DLG5: variants seen among roughly 807,000 people sequenced by gnomAD.
DLG5 encodes the protein disks large homolog 5.
Under a neutral mutation model 189.8 loss-of-function variants are expected in DLG5, and 48 were observed. That is an observed-to-expected ratio of 0.25 (90% CI 0.20 to 0.32). The LOEUF is 0.32. DLG5 is among the 10% of genes least tolerant of loss of function. DLG5 has a pLI of 1.00. For missense variants in DLG5, 2,160 were observed against 2,544.7 expected (o/e 0.85, Z 3.25); for synonymous variants, 1,016 against 1,054.1 (o/e 0.96, Z 0.70).
At chr10:77,877,973 A>G (rs1315995170) in intron 1 of DLG5, among the ~76,000 whole-genome samples, 9 of 152,204 alleles carry the variant, frequency 5.9e-5, no homozygotes, top group Admixed American at 5.9e-4. Context: ...CCAGCCGGAC[A>G]TCCCCCGGGG....
At chr10:77,859,310 C>T (rs975611321) in intron 2 of DLG5, among the ~76,000 whole-genome samples, 3 of 152,144 alleles carry the variant, frequency 2.0e-5, no homozygotes, top group African/African-American at 7.2e-5. Context: ...TTCTGTAAGT[C>T]GAATATAGCC....
intron 1 of DLG5, among the ~76,000 whole-genome samples, chr10:77,884,442 G>C (rs1049041807): frequency 3.9e-5 from 6 of 152,146 alleles, no homozygotes; most frequent in African/African-American, 1.4e-4. Flanking sequence ...ACCCCACAGT[G>C]GATCAGCAAC....
At chr10:77,799,047 G>A (rs1328810339) in intron 27 of DLG5, among the ~76,000 whole-genome samples, 2 of 152,116 alleles carry the variant, frequency 1.3e-5, no homozygotes, top group African/African-American at 4.8e-5. Flanking sequence ...ACACTATGGG[G>A]TACCAATTTA....
At chr10:77,923,417 A>G (rs558378239) in intron 1 of DLG5, among the ~76,000 whole-genome samples, 19 of 152,222 alleles carry the variant, frequency 1.2e-4, no homozygotes, top group Non-Finnish European at 1.8e-4. Flanking sequence ...AAAGAAAAAA[A>G]AGCAAAAAAG....
chr10:77,894,479 T>C (rs1845700093), intron 1 of DLG5, among the ~76,000 whole-genome samples: 1 of 152,168 alleles, frequency 6.6e-6, no homozygotes, highest in Non-Finnish European at 1.5e-5. Flanking sequence ...GCTTTTCTTT[T>C]TCTTCTTCAT....
At chr10:77,846,629 G>A (rs999309937) in intron 5 of DLG5, 8 of 447,690 alleles carry the variant, frequency 1.8e-5, no homozygotes, top group Non-Finnish European at 3.6e-5. Flanking sequence ...CCCAGGAGGC[G>A]TAGGTTGCAG....
At chr10:77,938,590 A>G in the DLG5 span, among the ~76,000 whole-genome samples, 4 of 152,274 alleles carry the variant, frequency 2.6e-5, no homozygotes, top group Middle Eastern at 6.8e-3. Flanking sequence ...GTCTGAGAGG[A>G]CCAGTATCTC....
chr10:77,794,808 G>A, intron 30 of DLG5, 41 bp downstream of exon 30: 1 of 1,569,226 alleles, frequency 6.4e-7, no homozygotes, highest in South Asian at 1.1e-5. Context: ...AGCCCCACCT[G>A]TGACAAGGCC....
At chr10:77,923,868 T>C (rs569587563) in intron 1 of DLG5, among the ~76,000 whole-genome samples, 2 of 131,446 alleles carry the variant, frequency 1.5e-5, no homozygotes, top group South Asian at 4.7e-4. Context: ...CTAACTTTTT[T>C]CTTTCTTTTT....
Position 77,863,926 on chromosome 10 carries a change from G to A in DLG5, c.373+5203C>T, listed in dbSNP as rs527823899. On this transcript the variant is annotated intron_variant, in intron 2 of 31. Coordinates refer to ENST00000372391, the MANE Select transcript of DLG5 (RefSeq NM_004747.4). ...CACAGCCCTGCCTTACGAGGAAGCT[G>A]GAAGAGGAGAGAAGGAAGCAGGACA... 9.3e-4 allele frequency among the ~76,000 whole-genome samples: 141 copies of A among 152,210 alleles called. 2 individuals are homozygous for A. The highest frequency in any genetic ancestry group is 8.2e-4 in the Non-Finnish European group (56 of 68,034).
Position 77,926,587 on chromosome 10 carries a change from A to G in DLG5, c.-67T>C, listed in dbSNP as rs1846703574. ...GGCCCCCCGAGGCCGGCGGGCGGGC[A>G]GGCGAGCACCTCGGCAGCAGCCCTA... On this transcript the variant is annotated 5_prime_UTR_variant, in exon 1 of 32. Coordinates refer to ENST00000372391, the MANE Select transcript of DLG5 (RefSeq NM_004747.4). This position sits in a 1 kb window ranked among gnomAD's most constrained non-coding sequence, Gnocchi z 5.2. The G allele has an allele frequency of 1.7e-6, 2 of 1,159,936 alleles. No homozygotes were observed. Among genetic ancestry groups the G allele is most frequent in the Non-Finnish European group, 2.1e-6 (2 of 938,648 alleles). 71.9% of individuals were successfully genotyped at this position (1,159,936 alleles called of 1,614,324 possible).
chr10:77,840,067 T>A (rs1843343674), intron 7 of DLG5, among the ~76,000 whole-genome samples: 1 of 152,246 alleles, frequency 6.6e-6, no homozygotes, highest in Non-Finnish European at 1.5e-5. Context: ...TGACCACCAT[T>A]CCATTGTGCA....
chr10:77,933,250 TGTTTTTGTTTTTGTTTGG>T, the DLG5 span, among the ~76,000 whole-genome samples: 42 of 152,090 alleles, frequency 2.8e-4, no homozygotes, highest in Admixed American at 2.0e-3. Context: ...ATTTTTTGTT[TGTTTTTGTTTTTGTTTGG>T]GTTTTTGTTT....
At chr10:77,885,573 C>T (rs1435083681) in intron 1 of DLG5, among the ~76,000 whole-genome samples, 1 of 152,216 alleles carries the variant, frequency 6.6e-6, no homozygotes, top group Non-Finnish European at 1.5e-5. Context: ...TTCCAGCCTC[C>T]TGCAGCTCCT....
intron 7 of DLG5, among the ~76,000 whole-genome samples, chr10:77,840,428 C>A (rs1275926242): frequency 8.5e-5 from 13 of 152,048 alleles, no homozygotes; most frequent in Admixed American, 8.5e-4. Flanking sequence ...AGAGGCCAGG[C>A]ACAGTGGCTC....
At chr10:77,913,355 C>T (rs1846277414) in intron 1 of DLG5, among the ~76,000 whole-genome samples, 1 of 152,160 alleles carries the variant, frequency 6.6e-6, no homozygotes, top group Non-Finnish European at 1.5e-5. Context: ...GTGGCCCTTG[C>T]TAAAATCCTG....
Position 77,842,042 on chromosome 10 carries a change from C to T in DLG5, c.1276G>A (p.Asp426Asn). The change falls in exon 7 of 32, where the codon GAC becomes AAC. Residue 426 changes from aspartate to asparagine, a missense_variant. By Grantham distance (23) the Asp-to-Asn change is conservative. This residue lies in a region of DLG5 where 664 missense variants were observed against 838.5 expected (regional missense o/e 0.79). Coordinates refer to ENST00000372391, the MANE Select transcript of DLG5 (RefSeq NM_004747.4). ...AGCTTGTACTCGCTGTACACAGCGT[C>T]CCGCTCCTCCCTGTATTTCTCCGAC... ...KESEKYREER[D>N]AVYSEYKLIM... 6.2e-7 allele frequency: 1 copy of T among 1,614,210 alleles called. No homozygotes were observed. The highest frequency in any genetic ancestry group is 8.5e-7 in the Non-Finnish European group (1 of 1,180,044).
At chr10:77,795,004 A>C in intron 29 of DLG5, 46 bp from the exon 30 acceptor site, 1 of 1,527,000 alleles carries the variant, frequency 6.5e-7, no homozygotes, top group Non-Finnish European at 9.0e-7. Context: ...AGTGAGGGGC[A>C]GCCAGCCCCC....
chr10:77,812,144 C>G, intron 21 of DLG5, 71 bp downstream of exon 21: 1 of 1,596,114 alleles, frequency 6.3e-7, no homozygotes, highest in Non-Finnish European at 8.5e-7. Context: ...ACTGCTGTTC[C>G]CTAGGAGGAG....
Sources: gnomAD v4.1 joint callset for allele counts (sites outside exome capture counted in the v4.1 genomes callset) on GRCh38, gnomAD v4.1.1 for gene constraint, gnomAD v4.1.1 regional missense constraint, Gnocchi (gnomAD v3.1) non-coding constraint, MANE v1.5 for transcripts, NCBI Gene and HGNC (gene_info 2026-07-23, HGNC 2026-07-21) for gene names.